COL5A2: variants seen among roughly 807,000 people sequenced by gnomAD.
COL5A2 encodes the protein collagen alpha-2(V) chain.
A neutral mutation model predicts 208.2 loss-of-function variants in COL5A2; 23 were observed. The ratio of observed to expected loss-of-function variants is 0.11; its 90% confidence interval spans 0.08 to 0.16. COL5A2 has a LOEUF of 0.16. Among genes scored for constraint, COL5A2 ranks in the 10% least tolerant of loss-of-function variants. The probability of loss-of-function intolerance (pLI) is 1.00; values close to 1 mark genes in which losing one functional copy is unlikely to be tolerated. For missense variants in COL5A2, 1,590 were observed against 1,956.4 expected, an observed-to-expected ratio of 0.81 and a Z score of 3.53; for synonymous variants, 625 against 628.5, an observed-to-expected ratio of 0.99 and a Z score of 0.08.
At chr2:189,419,644 T>A in the COL5A2 span, among the ~76,000 whole-genome samples, 87 of 150,830 alleles carry the variant, frequency 5.8e-4, 1 homozygote, top group African/African-American at 1.6e-3. Flanking sequence ...ATTTTTTTTT[T>A]AATTAACCAA....
chr2:189,400,056 C>T, the COL5A2 span, among the ~76,000 whole-genome samples: 2 of 152,088 alleles, frequency 1.3e-5, no homozygotes, highest in Admixed American at 1.3e-4. Context: ...GACAGTAATA[C>T]ATCTCTTTAT....
the COL5A2 span, among the ~76,000 whole-genome samples, chr2:189,434,376 T>A: frequency 2.6e-5 from 4 of 152,010 alleles, no homozygotes; most frequent in African/African-American, 7.2e-5. Flanking sequence ...ATTAGGAAAA[T>A]AGGAAGTCAA....
chr2:189,252,644 G>A, the COL5A2 span, among the ~76,000 whole-genome samples: 1 of 152,022 alleles, frequency 6.6e-6, no homozygotes, highest in Admixed American at 6.5e-5. Context: ...GATAGCATTA[G>A]GAGATATACC....
chr2:189,255,474 C>A, the COL5A2 span, among the ~76,000 whole-genome samples: 1 of 152,112 alleles, frequency 6.6e-6, no homozygotes, highest in Non-Finnish European at 1.5e-5. Flanking sequence ...TTGCTGAAAC[C>A]TACTAAAATT....
chr2:189,111,376 C>T (rs933131102), intron 1 of COL5A2, among the ~76,000 whole-genome samples: 1 of 152,130 alleles, frequency 6.6e-6, no homozygotes, highest in African/African-American at 2.4e-5. Flanking sequence ...TCAAATCATC[C>T]TTGCTTAAAT....
intron 1 of COL5A2, among the ~76,000 whole-genome samples, chr2:189,121,301 C>T (rs1176100664): frequency 1.3e-5 from 2 of 151,944 alleles, no homozygotes; most frequent in Non-Finnish European, 2.9e-5. Flanking sequence ...AATATTGTTA[C>T]TCCTGGCTCC....
intron 1 of COL5A2, among the ~76,000 whole-genome samples, chr2:189,112,283 T>C (rs537811524): frequency 1.1e-4 from 16 of 152,326 alleles, no homozygotes; most frequent in South Asian, 6.2e-4. Flanking sequence ...AGCATGAACT[T>C]TGTACTTCAT....
chr2:189,311,621 TC>T, the COL5A2 span: 1 of 873,716 alleles, frequency 1.1e-6, no homozygotes. Context: ...TCTCATAGAG[TC>T]CAGGTCCATC....
chr2:189,285,762 C>T, the COL5A2 span, among the ~76,000 whole-genome samples: 10 of 152,186 alleles, frequency 6.6e-5, no homozygotes, highest in African/African-American at 2.2e-4. Context: ...TGAAGAGATG[C>T]CTTTGATAAA....
At chr2:189,045,353 T>C in intron 46 of COL5A2, 121 bp from the exon 47 acceptor site, 2 of 655,106 alleles carry the variant, frequency 3.1e-6, no homozygotes, top group Non-Finnish European at 5.4e-6. Context: ...TGTGTGTGTG[T>C]GTGTGTGTGT....
chr2:189,392,216 G>A, the COL5A2 span, among the ~76,000 whole-genome samples: 1 of 152,030 alleles, frequency 6.6e-6, no homozygotes, highest in Non-Finnish European at 1.5e-5. Flanking sequence ...TAAAATTTGG[G>A]GATGTGAATA....
At chr2:189,416,549 C>T in the COL5A2 span, among the ~76,000 whole-genome samples, 7 of 152,058 alleles carry the variant, frequency 4.6e-5, no homozygotes, top group East Asian at 1.9e-4. Context: ...CATCACACAC[C>T]GGGGACTGTT....
At chr2:189,090,577 A>C (rs1193617890) in intron 7 of COL5A2, among the ~76,000 whole-genome samples, 7 of 152,230 alleles carry the variant, frequency 4.6e-5, no homozygotes, top group African/African-American at 1.7e-4. Flanking sequence ...GAAAAAGTCC[A>C]TGCCTGGCTT....
Position 189,080,000 on chromosome 2 carries a change from T to G in COL5A2, c.938A>C (p.Glu313Ala). 6.2e-7 allele frequency: 1 copy of G among 1,613,130 alleles called. No homozygotes were observed. The highest frequency in any genetic ancestry group is 8.5e-7 in the Non-Finnish European group (1 of 1,179,224). Residue 313 changes from glutamate to alanine, a missense_variant, in exon 14 of 54, where the codon GAA becomes GCA. Glu to Ala is a moderately radical substitution (Grantham distance 107, BLOSUM62 -1). Coordinates refer to ENST00000374866, the MANE Select transcript of COL5A2 (RefSeq NM_000393.5). Reference protein sequence around the residue: ...GHKGLEGPKGEVGAPGSKGEA... With the variant: ...GHKGLEGPKGAVGAPGSKGEA... ...TACCTTGGAACCAGGTGCTCCAACT[T>G]CACCTTTAGGGCCTTCAAGACCTTT...
chr2:189,187,900 C>A (rs184541391), intron 1 of COL5A2, among the ~76,000 whole-genome samples: 1 of 149,918 alleles, frequency 6.7e-6, no homozygotes, highest in Non-Finnish European at 1.5e-5. Context: ...ACCCGGGAGG[C>A]GGAGCTTGCA....
At chr2:189,231,013 G>A in the COL5A2 span, among the ~76,000 whole-genome samples, 1 of 151,840 alleles carries the variant, frequency 6.6e-6, no homozygotes, top group Non-Finnish European at 1.5e-5. Context: ...AGAAAATCCT[G>A]GCATATGCTA....
chr2:189,241,177 A>C, the COL5A2 span, among the ~76,000 whole-genome samples: 2 of 152,120 alleles, frequency 1.3e-5, no homozygotes, highest in African/African-American at 4.8e-5. Context: ...GACAAACAAC[A>C]CAGCACTTGT....
At chr2:189,434,907 C>T in the COL5A2 span, among the ~76,000 whole-genome samples, 74 of 152,272 alleles carry the variant, frequency 4.9e-4, no homozygotes, top group African/African-American at 1.6e-3. Context: ...GGGGGCATCA[C>T]GCTACCTGAC....
At chr2:189,273,911 A>C in the COL5A2 span, among the ~76,000 whole-genome samples, 2 of 152,016 alleles carry the variant, frequency 1.3e-5, no homozygotes, top group African/African-American at 4.8e-5. Context: ...AGAAGGAGTA[A>C]GTTTGGGAGA....
Sources: allele counts gnomAD v4.1 joint callset (sites outside exome capture counted in the v4.1 genomes callset), GRCh38; gene constraint gnomAD v4.1.1; transcripts MANE v1.5; gene names NCBI Gene and HGNC (gene_info 2026-07-23, HGNC 2026-07-21).